Variants in KCNC1 observed in about 807,000 individuals in gnomAD.
KCNC1 encodes the protein potassium voltage-gated channel subfamily C member 1.
In KCNC1, 8 loss-of-function variants were observed where a neutral mutation model predicts 43.4. That is an observed-to-expected ratio of 0.18 (90% CI 0.11 to 0.33). KCNC1 has a LOEUF of 0.33. Ranked by LOEUF, KCNC1 falls within the 10% of genes least tolerant of loss-of-function variation. The probability of loss-of-function intolerance (pLI) is 1.00; values close to 1 mark genes in which losing one functional copy is unlikely to be tolerated. For missense variants in KCNC1, 420 were observed against 836.0 expected, an observed-to-expected ratio of 0.50 and a Z score of 6.14; for synonymous variants, 361 against 360.5, an observed-to-expected ratio of 1.00 and a Z score of -0.01.
intron 1 of KCNC1, among the ~76,000 whole-genome samples, chr11:17,746,239 C>A (rs546356262): frequency 1.3e-5 from 2 of 152,304 alleles, no homozygotes; most frequent in African/African-American, 4.8e-5. Context: ...GGGTCCAAAC[C>A]CCAATCCAGG....
At position 17,772,259 on chromosome 11, in the gene KCNC1, A is replaced by G. The variant is rs1849238225; in HGVS notation, c.1165A>G (p.Ile389Val). 1.2e-6 allele frequency: 2 copies of G among 1,613,916 alleles called. No homozygotes were observed. Among genetic ancestry groups the G allele is most frequent in the East Asian group, 2.2e-5 (1 of 44,886 alleles). Residue 389 changes from isoleucine (I) to valine (V), a missense_variant, in exon 2 of 4, where the codon ATC (isoleucine) becomes GTC (valine). Transcript: ENST00000265969. ...SEHTHFKNIPIGFWWAVVTMT... is the reference protein window; with the variant it reads ...SEHTHFKNIPVGFWWAVVTMT... The stretch of plus-strand genomic sequence containing the variant: ...GCACACGCACTTTAAGAACATCCCC[A>G]TCGGCTTCTGGTGGGCCGTGGTCAC...
chr11:17,737,057 C>T (rs966760808), intron 1 of KCNC1, among the ~76,000 whole-genome samples: 7 of 152,194 alleles, frequency 4.6e-5, no homozygotes, highest in African/African-American at 1.7e-4. Context: ...GCATCTGGAG[C>T]CAGCCATGGT....
At chr11:17,749,478 G>C (rs948263266) in intron 1 of KCNC1, among the ~76,000 whole-genome samples, 2 of 152,244 alleles carry the variant, frequency 1.3e-5, no homozygotes, top group Non-Finnish European at 2.9e-5. Context: ...CCACATAGGT[G>C]GTGGGGCAGA....
At chr11:17,755,930 G>C (rs1849017586) in intron 1 of KCNC1, among the ~76,000 whole-genome samples, 2 of 152,146 alleles carry the variant, frequency 1.3e-5, no homozygotes, top group South Asian at 4.1e-4. Flanking sequence ...CTGAGCTCCA[G>C]GGTGCCCCGA....
At chr11:17,764,475 G>A (rs1489264593) in intron 1 of KCNC1, among the ~76,000 whole-genome samples, 2 of 152,078 alleles carry the variant, frequency 1.3e-5, no homozygotes, top group African/African-American at 4.8e-5. Flanking sequence ...CTAGAGTCAG[G>A]TTATGTAGAC....
intron 1 of KCNC1, among the ~76,000 whole-genome samples, chr11:17,740,324 C>A (rs543891922): frequency 1.8e-4 from 28 of 152,186 alleles, no homozygotes; most frequent in South Asian, 6.2e-4. Context: ...GATGGTGGTA[C>A]TGTTTGGAGA....
At position 17,781,309 on chromosome 11, in the gene KCNC1, T is replaced by C. The variant is rs779891671; in HGVS notation, c.1694-361T>C. The C allele has an allele frequency of 9.0e-6, 2 of 223,112 alleles. No homozygotes were observed. Among genetic ancestry groups the C allele is most frequent in the Non-Finnish European group, 1.8e-5 (2 of 113,566 alleles). 13.8% of individuals were successfully genotyped at this position (223,112 alleles called of 1,614,324 possible). ...CACCGAGGCTTAGGTGCCAGAGTCT[T>C]TGGGAGGCGCTAAGGGTGAAGTGTC... On this transcript the variant is annotated intron_variant, in intron 3 of 3. Coordinates refer to ENST00000265969, the MANE Select transcript of KCNC1 (RefSeq NM_001112741.2). This position sits in a 1 kb window ranked among gnomAD's most constrained non-coding sequence, Gnocchi z 5.1.
rs1212110822 is a variant in KCNC1, at chr11:17,742,607, C to T, written c.570+6035C>T. On this transcript the variant is annotated intron_variant, in intron 1 of 3. Coordinates refer to ENST00000265969, the MANE Select transcript of KCNC1 (RefSeq NM_001112741.2). The surrounding 1 kb of genome is among the most constrained non-coding windows in gnomAD (Gnocchi z 4.2). The stretch of plus-strand genomic sequence containing the variant: ...CAGGCTGCAGGGGTGCTTTGCTCTT[C>T]AGTCCTTATTCAGGGGAACCATTTA... Among the ~76,000 whole-genome samples the T allele has an allele frequency of 6.6e-6, 1 of 152,220 alleles. No homozygotes were observed. The highest frequency in any genetic ancestry group is 1.5e-5 in the Non-Finnish European group (1 of 68,034).
chr11:17,763,535 CCACA>C (rs1333538284), intron 1 of KCNC1, among the ~76,000 whole-genome samples: 1 of 149,566 alleles, frequency 6.7e-6, no homozygotes, highest in Non-Finnish European at 1.5e-5. Context: ...ACACCCACAC[CCACA>C]CACAGACCCC....
Position 17,772,588 on chromosome 11 carries a change from T to G in KCNC1, c.1494T>G (p.Ile498Met), listed in dbSNP as rs761924422. 6.2e-7 allele frequency: 1 copy of G among 1,612,582 alleles called. No individual in the cohort carries two copies. Among genetic ancestry groups the G allele is most frequent in the African/African-American group, 1.3e-5 (1 of 74,948 alleles). ...CPLAQEEILE[I>M]NRADSKLNGE... ...TGGCCCAGGAAGAAATTTTAGAAATTAACAGAGCAGGTAGGAAACCTCTTA... is the reference window on the plus strand; with the variant it reads ...TGGCCCAGGAAGAAATTTTAGAAATGAACAGAGCAGGTAGGAAACCTCTTA... Residue 498 changes from isoleucine (I) to methionine (M), a missense_variant, in exon 2 of 4, where the codon ATT (isoleucine) becomes ATG (methionine). Physicochemically the swap from Ile to Met is conservative, Grantham distance 10. Around this residue, in one of 5 missense-constraint regions of KCNC1, gnomAD observed 147 missense variants for 176.1 expected, o/e 0.83. Transcript: ENST00000265969.
chr11:17,779,755 G>C lies in KCNC1; in HGVS notation c.1693+111G>C. ...GCTGAGGGGCAGGCAGGCACACCGA[G>C]GGGGGCAAGGATGGAGGGAATCTCC... On this transcript the variant is annotated intron_variant, in intron 3 of 3. Transcript: ENST00000265969. This position sits in a 1 kb window ranked among gnomAD's most constrained non-coding sequence, Gnocchi z 7.2. 1.2e-6 allele frequency: 1 copy of C among 867,132 alleles called. No homozygotes were observed. Among genetic ancestry groups the C allele is most frequent in the Non-Finnish European group, 1.7e-6 (1 of 605,996 alleles). The allele number at this position is 867,132 out of a possible 1,614,324, so 53.7% of individuals were successfully genotyped here.
At chr11:17,763,099 C>T (rs1590102172) in intron 1 of KCNC1, among the ~76,000 whole-genome samples, 1 of 152,312 alleles carries the variant, frequency 6.6e-6, no homozygotes, top group Non-Finnish European at 1.5e-5. Context: ...GGATATGACC[C>T]AGGTGTAGGG....
intron 1 of KCNC1, among the ~76,000 whole-genome samples, chr11:17,745,446 A>ACC (rs544073073): frequency 1.3e-5 from 2 of 150,988 alleles, no homozygotes; most frequent in African/African-American, 2.4e-5. Context: ...CTCCACAGCT[A>ACC]CCCCCCCGTG....
rs1348216623 is a variant in KCNC1, at chr11:17,759,475, C to T, written c.571-12190C>T. Among the ~76,000 whole-genome samples, 3 of 152,290 alleles carry T rather than the reference C, an allele frequency of 2.0e-5. No individual in the cohort carries two copies. The East Asian group carries it at 5.8e-4, about 29-fold the overall frequency. On this transcript the variant is annotated intron_variant, in intron 1 of 3. Transcript: ENST00000265969. ...TTCAGACTTGGCTGACTGTTTGGTG[C>T]AAGAGGCCTAGCTTTTGGCCTATCT...
rs960890248 is a variant in KCNC1, at chr11:17,739,027, C to G, written c.570+2455C>G. On this transcript the variant is annotated intron_variant, in intron 1 of 3. Transcript: ENST00000265969. This position sits in a 1 kb window ranked among gnomAD's most constrained non-coding sequence, Gnocchi z 4.2. ...CGGGATTAGAACCCCAGCTTCCTGC[C>G]GCCCGCCCGGCTGGCCTAGCTGCAC... is the stretch of plus-strand genomic sequence containing the variant. 6.6e-6 allele frequency among the ~76,000 whole-genome samples: 1 copy of G among 152,222 alleles called. No individual in the cohort carries two copies. The highest frequency in any genetic ancestry group is 1.5e-5 in the Non-Finnish European group (1 of 68,044).
At chr11:17,744,262 G>T (rs1848873950) in intron 1 of KCNC1, among the ~76,000 whole-genome samples, 1 of 152,142 alleles carries the variant, frequency 6.6e-6, no homozygotes, top group African/African-American at 2.4e-5. Context: ...CTTCCCAGAG[G>T]AGCTGGGGAA....
At chr11:17,755,244 G>A (rs1258700892) in intron 1 of KCNC1, among the ~76,000 whole-genome samples, 1 of 152,168 alleles carries the variant, frequency 6.6e-6, no homozygotes, top group Admixed American at 6.5e-5. Flanking sequence ...GCAGGGAGGA[G>A]TTTGGGGAGA....
chr11:17,759,981 G>T (rs932496541), intron 1 of KCNC1, among the ~76,000 whole-genome samples: 6 of 152,194 alleles, frequency 3.9e-5, no homozygotes, highest in African/African-American at 1.4e-4. Context: ...GCAGTCGAAC[G>T]AGGCATGTCT....
chr11:17,777,024 G>A lies in KCNC1; in HGVS notation c.1505-2432G>A, dbSNP rs1849295527. 1.0e-6 allele frequency: 1 copy of A among 985,400 alleles called. No homozygotes were observed. Among genetic ancestry groups the A allele is most frequent in the Non-Finnish European group, 1.2e-6 (1 of 829,946 alleles). The allele number at this position is 985,400 out of a possible 1,614,324, so 61.0% of individuals were successfully genotyped here. A position where few individuals can be genotyped will look rare whatever the true frequency, so the allele number is the denominator to read the frequency against. On this transcript the variant is annotated intron_variant, in intron 2 of 3. Transcript: ENST00000265969. This position sits in a 1 kb window ranked among gnomAD's most constrained non-coding sequence, Gnocchi z 4.3. Reference sequence around the variant, plus strand: ...TAGGGGTGTCCCGGGAATCCCCCAGGAGGGAAAGGTGCCAGGCTATCATCC... The same window carrying A: ...TAGGGGTGTCCCGGGAATCCCCCAGAAGGGAAAGGTGCCAGGCTATCATCC...
Sources: allele counts gnomAD v4.1 joint callset (sites outside exome capture counted in the v4.1 genomes callset), GRCh38; gene constraint gnomAD v4.1.1; regional missense constraint gnomAD v4.1.1; non-coding constraint Gnocchi (gnomAD v3.1); transcripts MANE v1.5; gene names NCBI Gene and HGNC (gene_info 2026-07-23, HGNC 2026-07-21).